Variants in PLEKHA4 observed in about 807,000 individuals in gnomAD.
PLEKHA4 encodes the protein pleckstrin homology domain containing A4, also known as pleckstrin homology domain-containing family A member 4.
Under a neutral mutation model 94.7 loss-of-function variants are expected in PLEKHA4, and 73 were observed. That is an observed-to-expected ratio of 0.77 (90% CI 0.64 to 0.94). The LOEUF is 0.94. PLEKHA4 is among the 40% of genes least tolerant of loss of function. The probability of loss-of-function intolerance (pLI) is 0.00; values close to 1 mark genes in which losing one functional copy is unlikely to be tolerated. For synonymous variants in PLEKHA4, 449 were observed against 437.1 expected (o/e 1.03, Z -0.34); for missense variants, 1,049 against 1,054.1 (o/e 1.00, Z 0.07).
chr19:48,857,354 A>T, intron 9 of PLEKHA4, 68 bp downstream of exon 9: 1 of 694,296 alleles, frequency 1.4e-6, no homozygotes, highest in Non-Finnish European at 2.5e-6. Context: ...CCAAGAGATG[A>T]CATTCCTCAT....
At position 48,860,338 on chromosome 19, in the gene PLEKHA4, A is replaced by G. The variant is rs763145245; in HGVS notation, c.476+12T>C. ...GTGGAGGGTCAGGAGCATGGCTTGG[A>G]CCTCTACTCACTAGTCGTCCCCCTC... On this transcript the variant is annotated intron_variant, in intron 6 of 19. Transcript: ENST00000263265. 1.2e-6 allele frequency: 2 copies of G among 1,606,620 alleles called. No homozygotes were observed. Among genetic ancestry groups the G allele is most frequent in the Non-Finnish European group, 1.7e-6 (2 of 1,174,132 alleles).
At chr19:48,843,140 G>A (rs2035829949) in intron 16 of PLEKHA4, among the ~76,000 whole-genome samples, 1 of 151,952 alleles carries the variant, frequency 6.6e-6, no homozygotes. Flanking sequence ...TAACAAGTAA[G>A]CACAAGAAAT....
rs1228337779 is a variant in PLEKHA4 at position 48,867,187 on chromosome 19, A to C, written c.84+350T>G. 6.6e-6 allele frequency among the ~76,000 whole-genome samples: 1 copy of C among 152,110 alleles called. No homozygotes were observed. On this transcript the variant is annotated intron_variant, in intron 2 of 19. Coordinates refer to ENST00000263265, the MANE Select transcript of PLEKHA4 (RefSeq NM_020904.3). This position sits in a 1 kb window ranked among gnomAD's most constrained non-coding sequence, Gnocchi z 4.7. Reference sequence around the variant, plus strand: ...TCCTTATAGGATTTCATTAGTGGGTAGATTGGATGGCGAGAGATAGGACAG... The same window carrying C: ...TCCTTATAGGATTTCATTAGTGGGTCGATTGGATGGCGAGAGATAGGACAG...
intron 18 of PLEKHA4, chr19:48,838,396 C>T: frequency 5.3e-6 from 1 of 188,234 alleles, no homozygotes; most frequent in Non-Finnish European, 1.0e-5. Context: ...CTGCCTGTAT[C>T]AAAACATCTC....
chr19:48,854,004 C>T lies in PLEKHA4; in HGVS notation c.1176+3G>A. The T allele has an allele frequency of 1.9e-6, 3 of 1,614,124 alleles. No individual in the cohort carries two copies. Among genetic ancestry groups the T allele is most frequent in the South Asian group, 1.1e-5 (1 of 91,084 alleles). On this transcript the variant is annotated splice_donor_region_variant and intron_variant, in intron 11 of 19. Transcript: ENST00000263265. ...GCCCTGTCCTTGGCCCAGGGCCCCGCACCTTCTCCTCCTGCTTCTGGTCTA... is the reference window on the plus strand; with the variant it reads ...GCCCTGTCCTTGGCCCAGGGCCCCGTACCTTCTCCTCCTGCTTCTGGTCTA...
intron 13 of PLEKHA4, among the ~76,000 whole-genome samples, chr19:48,851,380 G>A (rs2036178093): frequency 6.6e-6 from 1 of 152,160 alleles, no homozygotes; most frequent in African/African-American, 2.4e-5. Flanking sequence ...ACTTTGGGAG[G>A]CCGAGGCAGG....
At chr19:48,846,642 C>T (rs1014864961) in intron 14 of PLEKHA4, among the ~76,000 whole-genome samples, 6 of 152,230 alleles carry the variant, frequency 3.9e-5, no homozygotes, top group Non-Finnish European at 7.4e-5. Context: ...GTGGCAGACA[C>T]CTGTAGTCCT....
intron 9 of PLEKHA4, 103 bp from the exon 10 acceptor site, chr19:48,854,367 T>G: frequency 1.2e-6 from 1 of 844,038 alleles, no homozygotes; most frequent in Non-Finnish European, 1.9e-6. Context: ...TACTGCACTA[T>G]TTATTTATTT....
At chr19:48,865,389 G>T in intron 3 of PLEKHA4, 114 bp downstream of exon 3, 1 of 665,842 alleles carries the variant, frequency 1.5e-6, no homozygotes. Flanking sequence ...GGACTAAGGG[G>T]AGGGGCAGTG....
chr19:48,846,377 G>A (rs1463644885), intron 14 of PLEKHA4, among the ~76,000 whole-genome samples: 2 of 151,584 alleles, frequency 1.3e-5, no homozygotes, highest in African/African-American at 4.9e-5. Context: ...TGTGAACCCG[G>A]GAGGTAGAGC....
At chr19:48,839,609 CAG>C (rs2122872213) in intron 17 of PLEKHA4, among the ~76,000 whole-genome samples, 1 of 151,974 alleles carries the variant, frequency 6.6e-6, no homozygotes, top group South Asian at 2.1e-4. Context: ...TTAGTAGAGA[CAG>C]AGTCTTGCTA....
At chr19:48,844,686 G>C in intron 16 of PLEKHA4, 2 of 976,236 alleles carry the variant, frequency 2.0e-6, no homozygotes, top group South Asian at 4.7e-5. Flanking sequence ...CAGACACAGA[G>C]CACAGAGCTT....
intron 9 of PLEKHA4, among the ~76,000 whole-genome samples, chr19:48,855,849 C>T (rs1409895969): frequency 6.6e-6 from 1 of 150,698 alleles, no homozygotes; most frequent in East Asian, 2.0e-4. Context: ...GGTAACATGG[C>T]AAAACCCTGT....
chr19:48,841,031 G>T, intron 17 of PLEKHA4, 118 bp downstream of exon 17: 1 of 1,097,618 alleles, frequency 9.1e-7, no homozygotes, highest in African/African-American at 1.6e-5. Flanking sequence ...GGTAAATTCG[G>T]AAATCCAGTT....
At chr19:48,862,670 C>T (rs1170779099) in intron 3 of PLEKHA4, among the ~76,000 whole-genome samples, 5 of 152,002 alleles carry the variant, frequency 3.3e-5, no homozygotes, top group Non-Finnish European at 7.4e-5. Flanking sequence ...CCACCACACC[C>T]GGCTAATTTT....
intron 16 of PLEKHA4, among the ~76,000 whole-genome samples, chr19:48,842,142 T>A (rs1288876455): frequency 7.3e-6 from 1 of 137,086 alleles, no homozygotes; most frequent in Non-Finnish European, 1.5e-5. Context: ...TAATTTATTT[T>A]CTTTTTTTTT....
intron 9 of PLEKHA4, among the ~76,000 whole-genome samples, chr19:48,854,781 C>T (rs2036341684): frequency 6.9e-6 from 1 of 144,286 alleles, no homozygotes; most frequent in South Asian, 2.2e-4. Context: ...CTCACTGCAG[C>T]CTTGAACTCT....
chr19:48,847,003 T>A (rs2035993393), intron 14 of PLEKHA4, among the ~76,000 whole-genome samples: 1 of 152,262 alleles, frequency 6.6e-6, no homozygotes, highest in South Asian at 2.1e-4. Context: ...TGCCTCAGTC[T>A]CCCAAGTAGC....
chr19:48,865,562 T>C lies in PLEKHA4; in HGVS notation c.133A>G (p.Asn45Asp). The C allele has an allele frequency of 6.2e-7, 1 of 1,614,050 alleles. No individual in the cohort carries two copies. The highest frequency in any genetic ancestry group is 8.5e-7 in the Non-Finnish European group (1 of 1,180,008). Reference protein sequence around the residue: ...NKIHAFGKRGNALRRDPNLPV... With the variant: ...NKIHAFGKRGDALRRDPNLPV... ...AGGTTGGGATCCCTCCTGAGCGCAT[T>C]GCCTCTCTTCCCAAAGGCGTGGATC... The change falls in exon 3 of 20, where the codon AAT becomes GAT. Residue 45 changes from asparagine (N) to aspartate (D), a missense_variant. Asn to Asp is a conservative substitution (Grantham distance 23). Coordinates refer to ENST00000263265, the MANE Select transcript of PLEKHA4 (RefSeq NM_020904.3).
Sources: gnomAD v4.1 joint callset for allele counts (sites outside exome capture counted in the v4.1 genomes callset) on GRCh38, gnomAD v4.1.1 for gene constraint, Gnocchi (gnomAD v3.1) non-coding constraint, MANE v1.5 for transcripts, NCBI Gene and HGNC (gene_info 2026-07-23, HGNC 2026-07-21) for gene names.